Variants in LRP1B observed in about 807,000 individuals in gnomAD.
LRP1B encodes the protein LDL receptor related protein 1B.
In LRP1B, 217 loss-of-function variants were observed where a neutral mutation model predicts 556.6. The ratio of observed to expected loss-of-function variants is 0.39; its 90% CI spans 0.35 to 0.44. The LOEUF is 0.44. Ranked by LOEUF, LRP1B falls within the 20% of genes least tolerant of loss-of-function variation. The pLI, the probability that LRP1B is intolerant of heterozygous loss-of-function variation, is 1.00. For synonymous variants in LRP1B, 2,047 were observed against 1,865.8 expected (o/e 1.10, Z -2.50); for missense variants, 5,053 against 5,620.8 (o/e 0.90, Z 3.23).
intron 1 of LRP1B, among the ~76,000 whole-genome samples, chr2:142,045,220 C>T (rs555703999): frequency 6.6e-6 from 1 of 151,168 alleles, no homozygotes; most frequent in South Asian, 2.1e-4. Context: ...CAGTATTGTA[C>T]CATTCCCACA....
intron 56 of LRP1B, among the ~76,000 whole-genome samples, chr2:140,493,812 T>C (rs1259171418): frequency 6.6e-6 from 1 of 152,196 alleles, no homozygotes; most frequent in East Asian, 1.9e-4. Context: ...TATGACATTA[T>C]GTTTCAGTAT....
rs535599258 is a variant in LRP1B at position 140,846,221 on chromosome 2, T to C, written c.4939+3881A>G. Among the ~76,000 whole-genome samples the C allele has an allele frequency of 2.6e-5, 4 of 152,298 alleles. 1 individual carries two copies. Among genetic ancestry groups the C allele is most frequent in the African/African-American group, 9.6e-5 (4 of 41,560 alleles). On this transcript the variant is annotated intron_variant, in intron 29 of 90. Coordinates refer to ENST00000389484, the MANE Select transcript of LRP1B (RefSeq NM_018557.3). ...AGAAAATAGCTCTCAACTTGGAGTT[T>C]TGTACTGAAGAAAATTATTTTGAAA...
chr2:140,248,941 C>A (rs1169517253), intron 86 of LRP1B, among the ~76,000 whole-genome samples: 2 of 149,498 alleles, frequency 1.3e-5, no homozygotes, highest in Admixed American at 6.7e-5. Context: ...TTAGTTATTT[C>A]ATTATGTATT....
chr2:140,779,390 A>G (rs1002062583), intron 32 of LRP1B, among the ~76,000 whole-genome samples: 15 of 152,078 alleles, frequency 9.9e-5, no homozygotes, highest in Non-Finnish European at 2.1e-4. Context: ...TCTGTAGTAA[A>G]CTATGAATTA....
At chr2:141,065,176 G>C (rs962631638) in intron 7 of LRP1B, among the ~76,000 whole-genome samples, 3 of 151,788 alleles carry the variant, frequency 2.0e-5, no homozygotes, top group Admixed American at 1.3e-4. Flanking sequence ...TTCACCAGTT[G>C]TTTACATTTC....
At chr2:140,568,594 A>G (rs1681210920) in intron 43 of LRP1B, among the ~76,000 whole-genome samples, 1 of 152,122 alleles carries the variant, frequency 6.6e-6, no homozygotes. Flanking sequence ...AATTGTCCAA[A>G]TCTTGATAGA....
intron 29 of LRP1B, among the ~76,000 whole-genome samples, chr2:140,846,847 G>T (rs1174132905): frequency 1.3e-5 from 2 of 152,160 alleles, no homozygotes; most frequent in African/African-American, 4.8e-5. Context: ...GGTGGAATTT[G>T]AGATCCTTTG....
Position 141,997,317 on chromosome 2 carries a change from C to T in LRP1B, c.82+133331G>A, listed in dbSNP as rs180703111. Among the ~76,000 whole-genome samples the T allele has an allele frequency of 1.1e-4, 16 of 151,356 alleles. No individual in the cohort carries two copies. In the East Asian group the frequency reaches 2.7e-3, roughly 26 times the overall value. Reference sequence around the variant, plus strand: ...TAAAATATGGTAGTAAGAGATTTAACAGGATTTTGTTAAAGAGCTCAATGG... The same window carrying T: ...TAAAATATGGTAGTAAGAGATTTAATAGGATTTTGTTAAAGAGCTCAATGG... On this transcript the variant is annotated intron_variant, in intron 1 of 90. Coordinates refer to ENST00000389484, the MANE Select transcript of LRP1B (RefSeq NM_018557.3).
intron 1 of LRP1B, among the ~76,000 whole-genome samples, chr2:142,054,707 G>A (rs147426491): frequency 1.3e-5 from 2 of 152,138 alleles, no homozygotes; most frequent in Non-Finnish European, 2.9e-5. Flanking sequence ...TTCATCTACT[G>A]TATACCATAG....
chr2:140,300,230 A>T (rs1429417529), intron 83 of LRP1B, among the ~76,000 whole-genome samples: 2 of 152,158 alleles, frequency 1.3e-5, no homozygotes, highest in African/African-American at 4.8e-5. Flanking sequence ...CTTTCTGACA[A>T]GTAGAAATCT....
chr2:140,495,128 TTTA>T (rs986173605), intron 56 of LRP1B, among the ~76,000 whole-genome samples: 106 of 152,290 alleles, frequency 7.0e-4, no homozygotes, highest in African/African-American at 2.5e-3. Flanking sequence ...ATATAGCTGA[TTTA>T]TTATTACTAT....
intron 3 of LRP1B, among the ~76,000 whole-genome samples, chr2:141,298,640 C>T (rs1165012582): frequency 6.6e-6 from 1 of 152,030 alleles, no homozygotes; most frequent in Non-Finnish European, 1.5e-5. Context: ...GGATTTTAAT[C>T]TGTAGCCTTT....
At chr2:141,990,570 A>G (rs1702314677) in intron 1 of LRP1B, among the ~76,000 whole-genome samples, 1 of 151,992 alleles carries the variant, frequency 6.6e-6, no homozygotes, top group African/African-American at 2.4e-5. Context: ...CACCAAGCTA[A>G]ACTTTACTCT....
chr2:140,525,313 G>A (rs1690383224), intron 49 of LRP1B, among the ~76,000 whole-genome samples: 1 of 151,794 alleles, frequency 6.6e-6, no homozygotes, highest in African/African-American at 2.4e-5. Flanking sequence ...TTCTAAGAAT[G>A]TAGATGACAG....
chr2:141,664,351 C>T (rs576584166), intron 2 of LRP1B, among the ~76,000 whole-genome samples: 43 of 152,174 alleles, frequency 2.8e-4, no homozygotes, highest in African/African-American at 6.7e-4. Flanking sequence ...TTAGAAGTTC[C>T]GGCCAGGGCA....
At chr2:141,247,150 C>G (rs2105326563) in intron 5 of LRP1B, 76 bp downstream of exon 5, 1 of 1,536,260 alleles carries the variant, frequency 6.5e-7, no homozygotes, top group Non-Finnish European at 9.0e-7. Context: ...TGCTATACCA[C>G]ATCTCTAATG....
At chr2:141,390,579 A>C (rs1690013334) in intron 3 of LRP1B, among the ~76,000 whole-genome samples, 1 of 152,262 alleles carries the variant, frequency 6.6e-6, no homozygotes, top group Non-Finnish European at 1.5e-5. Flanking sequence ...CTATACATAC[A>C]ATGTAATATT....
At chr2:141,259,907 T>C (rs1417437421) in intron 3 of LRP1B, among the ~76,000 whole-genome samples, 1 of 152,168 alleles carries the variant, frequency 6.6e-6, no homozygotes, top group Non-Finnish European at 1.5e-5. Context: ...TCATTTTTTA[T>C]CAGTTTATCA....
chr2:140,630,972 C>G (rs1470191709), intron 41 of LRP1B, among the ~76,000 whole-genome samples: 1 of 152,144 alleles, frequency 6.6e-6, no homozygotes, highest in Non-Finnish European at 1.5e-5. Context: ...CACTAAATCA[C>G]TGGCCTCTTG....
Sources: gnomAD v4.1 joint callset for allele counts (sites outside exome capture counted in the v4.1 genomes callset) on GRCh38, gnomAD v4.1.1 for gene constraint, MANE v1.5 for transcripts, NCBI Gene and HGNC (gene_info 2026-07-23, HGNC 2026-07-21) for gene names.